Variants in MYO3B observed in about 807,000 individuals in gnomAD.
MYO3B encodes the protein myosin IIIB, also known as myosin-IIIb.
In MYO3B, 156 loss-of-function variants were observed where a neutral mutation model predicts 174.6. The observed-to-expected ratio is 0.89, with a 90% CI of 0.78 to 1.02. The LOEUF (loss-of-function observed/expected upper bound fraction) is 1.02. Ranked by LOEUF, MYO3B falls within the 50% of genes least tolerant of loss-of-function variation. The pLI is 0.00. For missense variants in MYO3B, 1,632 were observed against 1,639.4 expected, an observed-to-expected ratio of 1.00 and a Z score of 0.08; for synonymous variants, 563 against 569.1, an observed-to-expected ratio of 0.99 and a Z score of 0.15.
At chr2:170,649,459 AATAC>A (rs1254020137) in intron 32 of MYO3B, among the ~76,000 whole-genome samples, 1 of 121,324 alleles carries the variant, frequency 8.2e-6, no homozygotes, top group Non-Finnish European at 1.7e-5. Flanking sequence ...TATAATATAT[AATAC>A]ATATTTTTTT....
At chr2:170,580,718 A>ATATATGTGTGTGTGTG (rs768974458) in intron 32 of MYO3B, among the ~76,000 whole-genome samples, 40 of 142,776 alleles carry the variant, frequency 2.8e-4, no homozygotes, top group Non-Finnish European at 2.4e-4. Context: ...AACCTTATAT[A>ATATATGTGTGTGTGTG]TGTGTGTGTG....
chr2:170,522,038 T>C (rs565126711), intron 30 of MYO3B, among the ~76,000 whole-genome samples: 1 of 152,116 alleles, frequency 6.6e-6, no homozygotes, highest in African/African-American at 2.4e-5. Context: ...TCAGAGGTAT[T>C]CTCAGTCTTT....
chr2:170,381,996 C>T lies in MYO3B; in HGVS notation c.972-20C>T. ...ATTATTTGCTGTCTTAATGCTTAAACTCTCTTGATAAATTTCTAGGCATGA... is the reference window on the plus strand; with the variant it reads ...ATTATTTGCTGTCTTAATGCTTAAATTCTCTTGATAAATTTCTAGGCATGA... On this transcript the variant is annotated intron_variant, in intron 9 of 34. Coordinates refer to ENST00000408978, the MANE Select transcript of MYO3B (RefSeq NM_138995.5). The T allele has an allele frequency of 6.2e-7, 1 of 1,602,182 alleles. No individual in the cohort carries two copies. The highest frequency in any genetic ancestry group is 8.5e-7 in the Non-Finnish European group (1 of 1,169,962).
At chr2:170,632,747 AAAG>A (rs1317840600) in intron 32 of MYO3B, among the ~76,000 whole-genome samples, 1 of 152,188 alleles carries the variant, frequency 6.6e-6, no homozygotes, top group African/African-American at 2.4e-5. Context: ...CAAGACTAAT[AAAG>A]AAGAAAAGAG....
intron 3 of MYO3B, among the ~76,000 whole-genome samples, chr2:170,207,677 A>G (rs115661664): frequency 5.3e-5 from 7 of 132,324 alleles, no homozygotes; most frequent in Non-Finnish European, 9.2e-5. Context: ...AAAAAAAAAA[A>G]GGCTTTTTTT....
intron 30 of MYO3B, among the ~76,000 whole-genome samples, chr2:170,528,836 A>G (rs114302327): frequency 1.9e-3 from 291 of 152,298 alleles, no homozygotes; most frequent in Non-Finnish European, 3.5e-3. Context: ...AAGGCCTTCA[A>G]TGTGATCACC....
At chr2:170,394,823 C>G (rs1380593324) in intron 16 of MYO3B, among the ~76,000 whole-genome samples, 2 of 152,142 alleles carry the variant, frequency 1.3e-5, no homozygotes, top group Non-Finnish European at 2.9e-5. Flanking sequence ...TTTATAAACT[C>G]AAAAAGTAGT....
At chr2:170,374,251 G>T (rs151220584) in intron 9 of MYO3B, among the ~76,000 whole-genome samples, 156 of 152,330 alleles carry the variant, frequency 1.0e-3, no homozygotes, top group Non-Finnish European at 1.7e-3. Context: ...GAGGTTAGTA[G>T]AAGAGTGGCC....
chr2:170,181,692 G>T (rs903850203), intron 1 of MYO3B, among the ~76,000 whole-genome samples: 1 of 152,028 alleles, frequency 6.6e-6, no homozygotes, highest in Non-Finnish European at 1.5e-5. Context: ...TGCATCGATC[G>T]AGATGATGGT....
intron 29 of MYO3B, among the ~76,000 whole-genome samples, chr2:170,516,948 C>A (rs1039295152): frequency 2.6e-5 from 4 of 152,164 alleles, no homozygotes; most frequent in Non-Finnish European, 5.9e-5. Flanking sequence ...GAGTCACCTT[C>A]TCTCTCTTTT....
At chr2:170,561,521 A>G (rs1386584732) in intron 32 of MYO3B, among the ~76,000 whole-genome samples, 1 of 152,214 alleles carries the variant, frequency 6.6e-6, no homozygotes, top group African/African-American at 2.4e-5. Context: ...CTAACTCTAG[A>G]AAAATGCACA....
At chr2:170,462,979 A>C (rs1327538679) in intron 23 of MYO3B, among the ~76,000 whole-genome samples, 1 of 152,198 alleles carries the variant, frequency 6.6e-6, no homozygotes, top group African/African-American at 2.4e-5. Context: ...CTGTGGTACA[A>C]CCTGGGCTTT....
At chr2:170,406,936 A>T (rs1257206759) in intron 21 of MYO3B, among the ~76,000 whole-genome samples, 2 of 152,126 alleles carry the variant, frequency 1.3e-5, no homozygotes, top group African/African-American at 4.8e-5. Context: ...AGAGTACTTA[A>T]AGTGGTTGTG....
chr2:170,528,416 A>AT (rs1462875097), intron 30 of MYO3B, among the ~76,000 whole-genome samples: 5 of 152,022 alleles, frequency 3.3e-5, no homozygotes, highest in African/African-American at 7.2e-5. Context: ...ATTTTATTTT[A>AT]TTTTTTTTGA....
At chr2:170,494,352 A>G (rs906606750) in intron 25 of MYO3B, among the ~76,000 whole-genome samples, 1 of 152,228 alleles carries the variant, frequency 6.6e-6, no homozygotes, top group African/African-American at 2.4e-5. Flanking sequence ...GTGATAGCTT[A>G]TATGTTTTAA....
At chr2:170,373,948 C>T (rs540242107) in intron 9 of MYO3B, among the ~76,000 whole-genome samples, 75 of 152,000 alleles carry the variant, frequency 4.9e-4, no homozygotes, top group Non-Finnish European at 9.1e-4. Context: ...AGTTAAAGAT[C>T]GACATCATGA....
intron 7 of MYO3B, among the ~76,000 whole-genome samples, 165 bp from the exon 8 acceptor site, chr2:170,335,220 G>A (rs1386258142): frequency 6.6e-6 from 1 of 152,148 alleles, no homozygotes; most frequent in African/African-American, 2.4e-5. Context: ...ATGACTACAG[G>A]AATAAGGGTT....
intron 32 of MYO3B, 90 bp from the exon 33 acceptor site, chr2:170,651,538 C>G: frequency 3.1e-6 from 3 of 964,050 alleles, no homozygotes; most frequent in Non-Finnish European, 5.0e-6. Context: ...GACACAGTTT[C>G]TACTAAGTGC....
intron 7 of MYO3B, among the ~76,000 whole-genome samples, chr2:170,274,180 C>G (rs1406565397): frequency 6.6e-6 from 1 of 151,562 alleles, no homozygotes; most frequent in East Asian, 1.9e-4. Flanking sequence ...GAGAGAGAGA[C>G]ACTGAGAGAG....
Sources: allele counts gnomAD v4.1 joint callset (sites outside exome capture counted in the v4.1 genomes callset), GRCh38; gene constraint gnomAD v4.1.1; transcripts MANE v1.5; gene names NCBI Gene and HGNC (gene_info 2026-07-23, HGNC 2026-07-21).